The following GRM5 variants were observed in gnomAD, a reference collection of about 807,000 sequenced individuals.
GRM5 encodes metabotropic glutamate receptor 5.
Under a neutral mutation model 83.1 loss-of-function variants are expected in GRM5, and 19 were observed. The observed-to-expected ratio is 0.23, with a 90% CI of 0.16 to 0.34. GRM5 has a LOEUF of 0.34. Among genes scored for constraint, GRM5 ranks in the 10% least tolerant of loss-of-function variants. The probability of loss-of-function intolerance (pLI) is 1.00; values close to 1 mark genes in which losing one functional copy is unlikely to be tolerated. For missense variants in GRM5, 1,160 were observed against 1,588.3 expected (o/e 0.73, Z 4.58); for synonymous variants, 675 against 633.6 (o/e 1.07, Z -0.98).
At chr11:88,604,385 T>C (rs4753607) in intron 5 of GRM5, among the ~76,000 whole-genome samples, 131,743 of 152,164 alleles carry the variant, frequency 0.87, 57,707 homozygotes, top group Non-Finnish European at 0.94. Flanking sequence ...AGAAAATATC[T>C]GAATATGGGG....
At chr11:88,738,467 G>T (rs947001064) in intron 3 of GRM5, among the ~76,000 whole-genome samples, 3 of 151,944 alleles carry the variant, frequency 2.0e-5, no homozygotes, top group African/African-American at 7.3e-5. Flanking sequence ...GTATTAAGAG[G>T]TCTCTTTAAT....
intron 8 of GRM5, among the ~76,000 whole-genome samples, chr11:88,562,652 T>C (rs560884348): frequency 1.2e-4 from 19 of 152,240 alleles, no homozygotes; most frequent in Middle Eastern, 3.4e-3. Flanking sequence ...TTCTTTGCTC[T>C]CTTCTCTGTT....
At chr11:88,869,554 A>C (rs1382717001) in intron 2 of GRM5, among the ~76,000 whole-genome samples, 12 of 151,440 alleles carry the variant, frequency 7.9e-5, no homozygotes, top group Non-Finnish European at 1.3e-4. Context: ...GTGTTATAAT[A>C]ATTTATATTA....
intron 3 of GRM5, among the ~76,000 whole-genome samples, chr11:88,752,925 C>T (rs994529812): frequency 2.6e-5 from 4 of 152,050 alleles, no homozygotes; most frequent in Non-Finnish European, 5.9e-5. Context: ...TGAAACTGGA[C>T]CCCTTCCTTA....
chr11:88,838,430 T>C (rs1198116626), intron 3 of GRM5, among the ~76,000 whole-genome samples: 1 of 152,186 alleles, frequency 6.6e-6, no homozygotes, highest in Non-Finnish European at 1.5e-5. Flanking sequence ...GTTTTTCTGT[T>C]GTCCTTCTGA....
intron 2 of GRM5, among the ~76,000 whole-genome samples, chr11:88,865,515 C>T (rs542418036): frequency 6.6e-6 from 1 of 152,202 alleles, no homozygotes; most frequent in East Asian, 1.9e-4. Flanking sequence ...GACTTCATGA[C>T]TAAAACACCA....
In GRM5 at chr11:88,850,215, T is replaced by G. The variant is rs924208089; in HGVS notation, c.662-60A>C. 1.2e-5 allele frequency: 9 copies of G among 731,238 alleles called. No individual in the cohort carries two copies. In the African/African-American group the frequency reaches 1.6e-4, roughly 13 times the overall value. The allele number at this position is 731,238 out of a possible 1,614,324, so 45.3% of individuals were successfully genotyped here. On this transcript the variant is annotated intron_variant, in intron 2 of 9. Coordinates refer to ENST00000305447, the MANE Select transcript of GRM5 (RefSeq NM_001143831.3). ...AAATGAGAGTGTTGCATTAATTGGGTATAATCAGAATGCAGGTGTTAGGAG... is the reference window on the plus strand; with the variant it reads ...AAATGAGAGTGTTGCATTAATTGGGGATAATCAGAATGCAGGTGTTAGGAG...
chr11:88,963,044 A>G lies in GRM5; in HGVS notation c.661+84168T>C, dbSNP rs559622458. Among the ~76,000 whole-genome samples the G allele has an allele frequency of 1.1e-4, 17 of 152,316 alleles. 1 individual carries two copies. The highest frequency in any genetic ancestry group is 3.3e-4 in the Admixed American group (5 of 15,302). On this transcript the variant is annotated intron_variant, in intron 2 of 9. Coordinates refer to ENST00000305447, the MANE Select transcript of GRM5 (RefSeq NM_001143831.3). ...GCAGAGGTTGCAGTGAGCTGAGATC[A>G]TGCCACTGCACACTCCAGCCTGGTG...
chr11:88,732,376 CA>C (rs1022759780), intron 3 of GRM5, among the ~76,000 whole-genome samples: 1 of 151,870 alleles, frequency 6.6e-6, no homozygotes, highest in African/African-American at 2.4e-5. Context: ...ATATATAAAA[CA>C]AAAAATTGCA....
Position 88,567,546 on chromosome 11 carries a change from T to G in GRM5, c.2137A>C (p.Ile713Leu). 1 of 1,614,024 alleles carries G rather than the reference T, an allele frequency of 6.2e-7. No homozygotes were observed. The highest frequency in any genetic ancestry group is 1.3e-5 in the African/African-American group (1 of 75,028). Residue 713 changes from isoleucine to leucine, a missense_variant, in exon 8 of 10, where the codon ATA becomes CTA. By Grantham distance (5) the Ile-to-Leu change is conservative. Around this residue, in one of 9 missense-constraint regions of GRM5, gnomAD observed 44 missense variants for 41.0 expected, o/e 1.07. Coordinates refer to ENST00000305447, the MANE Select transcript of GRM5 (RefSeq NM_001143831.3). This position sits in a 1 kb window ranked among gnomAD's most constrained non-coding sequence, Gnocchi z 7.3. ...TGCATTATGTCAGGAGGCTCCATTATAAAGAGGGCAACGATGATGCCCAAC... is the reference window on the plus strand; with the variant it reads ...TGCATTATGTCAGGAGGCTCCATTAGAAAGAGGGCAACGATGATGCCCAAC... ...IQLGIIVALF[I>L]MEPPDIMHDY... is the part of the protein sequence containing the mutation.
At chr11:88,683,038 A>G (rs1285273610) in intron 3 of GRM5, among the ~76,000 whole-genome samples, 1 of 152,144 alleles carries the variant, frequency 6.6e-6, no homozygotes, top group Non-Finnish European at 1.5e-5. Context: ...TTCTTAACTC[A>G]TAACAGAAAA....
At chr11:88,947,903 T>A (rs961791707) in intron 2 of GRM5, among the ~76,000 whole-genome samples, 1 of 152,216 alleles carries the variant, frequency 6.6e-6, no homozygotes, top group Non-Finnish European at 1.5e-5. Context: ...AACAACTGTT[T>A]ACTTGTAAGA....
chr11:88,637,248 T>G (rs763121482), intron 4 of GRM5, among the ~76,000 whole-genome samples: 178 of 152,008 alleles, frequency 1.2e-3, no homozygotes, highest in Non-Finnish European at 2.1e-3. Flanking sequence ...GCATGGGCAA[T>G]GAATTCATGT....
intron 3 of GRM5, among the ~76,000 whole-genome samples, chr11:88,666,164 T>C (rs1940038105): frequency 6.6e-6 from 1 of 152,212 alleles, no homozygotes; most frequent in South Asian, 2.1e-4. Context: ...TAGGCAGTCA[T>C]ACTGAATTGA....
chr11:88,950,116 C>T (rs535113630), intron 2 of GRM5, among the ~76,000 whole-genome samples: 14 of 151,692 alleles, frequency 9.2e-5, no homozygotes, highest in South Asian at 2.1e-4. Context: ...CCTCGTGATC[C>T]GCCTGCCTCA....
At chr11:88,671,740 T>G (rs112941767) in intron 3 of GRM5, among the ~76,000 whole-genome samples, 5 of 152,180 alleles carry the variant, frequency 3.3e-5, no homozygotes, top group African/African-American at 1.2e-4. Context: ...ATATTGGAAG[T>G]TAAAACATTG....
intron 7 of GRM5, among the ~76,000 whole-genome samples, chr11:88,581,872 T>C (rs962395993): frequency 1.3e-5 from 2 of 152,208 alleles, no homozygotes; most frequent in Non-Finnish European, 2.9e-5. Flanking sequence ...GTATCATTCC[T>C]TATGGTCTTT....
chr11:88,875,087 T>G (rs1431209380), intron 2 of GRM5, among the ~76,000 whole-genome samples: 1 of 151,338 alleles, frequency 6.6e-6, no homozygotes, highest in Non-Finnish European at 1.5e-5. Context: ...TGACTGTTTT[T>G]TTTTTTTCAT....
At chr11:88,745,314 C>T (rs1159865798) in intron 3 of GRM5, among the ~76,000 whole-genome samples, 7 of 22,040 alleles carry the variant, frequency 3.2e-4, no homozygotes, top group African/African-American at 6.0e-4. Context: ...CACCCACCCA[C>T]CTCAGCCTCA....
Sources: allele counts gnomAD v4.1 joint callset (sites outside exome capture counted in the v4.1 genomes callset), GRCh38; gene constraint gnomAD v4.1.1; regional missense constraint gnomAD v4.1.1; non-coding constraint Gnocchi (gnomAD v3.1); transcripts MANE v1.5; gene names NCBI Gene and HGNC (gene_info 2026-07-23, HGNC 2026-07-21).